Variants in ERBB4 observed in about 807,000 individuals in gnomAD.
The protein encoded by ERBB4 is receptor tyrosine-protein kinase erbB-4.
ERBB4 carries 42 observed loss-of-function variants against 158.0 expected under a neutral mutation model. The observed-to-expected ratio is 0.27, with a 90% CI of 0.21 to 0.34. ERBB4 has a LOEUF of 0.34. Ranked by LOEUF, ERBB4 falls within the 10% of genes least tolerant of loss-of-function variation. The probability of loss-of-function intolerance (pLI) is 1.00; values close to 1 mark genes in which losing one functional copy is unlikely to be tolerated. For synonymous variants in ERBB4, 583 were observed against 558.7 expected (o/e 1.04, Z -0.61); for missense variants, 1,333 against 1,624.1 (o/e 0.82, Z 3.08).
intron 2 of ERBB4, among the ~76,000 whole-genome samples, chr2:212,053,371 C>G (rs1283067456): frequency 3.3e-5 from 5 of 152,154 alleles, no homozygotes; most frequent in Non-Finnish European, 5.9e-5. Flanking sequence ...TCACCCAGGT[C>G]TGATAATGTT....
At chr2:211,527,470 G>A (rs1265851660) in intron 20 of ERBB4, among the ~76,000 whole-genome samples, 2 of 152,180 alleles carry the variant, frequency 1.3e-5, no homozygotes, top group East Asian at 1.9e-4. Flanking sequence ...CAACTGGGAA[G>A]AAAAGCATAT....
In ERBB4 at chr2:211,875,025, C is replaced by CAAA. The variant is rs746636278; in HGVS notation, c.421+72402_421+72404dup. Among the ~76,000 whole-genome samples the CAAA allele has an allele frequency of 3.3e-3, 88 of 26,978 alleles. 1 individual carries two copies. Among genetic ancestry groups the CAAA allele is most frequent in the African/African-American group, 9.1e-3 (62 of 6,794 alleles). 17.7% of individuals were successfully genotyped at this position (26,978 alleles called of 152,430 possible). On this transcript the variant is annotated intron_variant, in intron 3 of 27. Transcript: ENST00000342788. ...TATTGTCATGCTTCAAATAGAAATG[C>CAAA]AAAAAAAAAAAAAAAAAAAAAAAAA... is the stretch of plus-strand genomic sequence containing the variant.
At chr2:212,053,507 C>T in intron 2 of ERBB4, among the ~76,000 whole-genome samples, 1 of 152,116 alleles carries the variant, frequency 6.6e-6, no homozygotes, top group East Asian at 1.9e-4. Context: ...CTGCCTCTAG[C>T]CTTGCTCCTC....
chr2:211,465,036 CTG>C (rs1406723631), intron 20 of ERBB4, among the ~76,000 whole-genome samples: 1 of 147,864 alleles, frequency 6.8e-6, no homozygotes, highest in Non-Finnish European at 1.5e-5. Context: ...TGCTGGAGTG[CTG>C]TGACATGATG....
At chr2:212,218,737 C>T (rs1313111536) in intron 1 of ERBB4, among the ~76,000 whole-genome samples, 1 of 151,374 alleles carries the variant, frequency 6.6e-6, no homozygotes, top group Non-Finnish European at 1.5e-5. Flanking sequence ...ATGGCTCATG[C>T]TGGCACATAT....
At chr2:211,986,765 G>A (rs2081947140) in intron 2 of ERBB4, among the ~76,000 whole-genome samples, 1 of 152,032 alleles carries the variant, frequency 6.6e-6, no homozygotes, top group African/African-American at 2.4e-5. Context: ...ATGGCATACG[G>A]TGAAGGTTAT....
intron 3 of ERBB4, among the ~76,000 whole-genome samples, chr2:211,889,079 C>T (rs2078891612): frequency 7.1e-6 from 1 of 141,762 alleles, no homozygotes. Context: ...CCTCTGTAGG[C>T]TCCACCTCTG....
At chr2:212,311,081 G>A (rs1422826228) in intron 1 of ERBB4, among the ~76,000 whole-genome samples, 1 of 150,718 alleles carries the variant, frequency 6.6e-6, no homozygotes, top group African/African-American at 2.4e-5. Flanking sequence ...ACTTCCTTGA[G>A]ACTAGGACTT....
chr2:211,515,896 T>TTATATATATATATA (rs1206265176), intron 20 of ERBB4, among the ~76,000 whole-genome samples: 9 of 88,934 alleles, frequency 1.0e-4, no homozygotes, highest in African/African-American at 1.6e-4. Context: ...AAAACATATA[T>TTATATATATATATA]TATATATATA....
intron 2 of ERBB4, among the ~76,000 whole-genome samples, chr2:212,099,577 T>C (rs2125512922): frequency 6.6e-6 from 1 of 152,272 alleles, no homozygotes; most frequent in South Asian, 2.1e-4. Flanking sequence ...GTGATAGCCA[T>C]AGATATGAAA....
intron 16 of ERBB4, among the ~76,000 whole-genome samples, chr2:211,653,091 T>C (rs1435521649): frequency 6.6e-6 from 1 of 152,142 alleles, no homozygotes; most frequent in Non-Finnish European, 1.5e-5. Flanking sequence ...ATAAATAATA[T>C]ACAGAAAAGA....
rs530347826 is a variant in ERBB4 at position 211,713,394 on chromosome 2, C to T, written c.997+141G>A. 2.6e-4 allele frequency: 177 copies of T among 674,692 alleles called. No homozygotes were observed. The South Asian group carries it at 2.8e-3, about 11-fold the overall frequency. 41.8% of individuals were successfully genotyped at this position (674,692 alleles called of 1,614,324 possible). Reference sequence around the variant, plus strand: ...CTATAAAAGTTCATATTTTGAGTAACTGTTCAAAATTATGGAAAGCGTGTG... The same window carrying T: ...CTATAAAAGTTCATATTTTGAGTAATTGTTCAAAATTATGGAAAGCGTGTG... On this transcript the variant is annotated intron_variant, in intron 8 of 27. Transcript: ENST00000342788.
intron 1 of ERBB4, among the ~76,000 whole-genome samples, chr2:212,149,603 A>G (rs2080803857): frequency 6.6e-6 from 1 of 152,202 alleles, no homozygotes; most frequent in South Asian, 2.1e-4. Flanking sequence ...CTTATTTTTA[A>G]TGTGAAAAAT....
At chr2:211,676,877 C>T (rs1277549110) in intron 13 of ERBB4, among the ~76,000 whole-genome samples, 1 of 152,062 alleles carries the variant, frequency 6.6e-6, no homozygotes, top group Non-Finnish European at 1.5e-5. Context: ...ATATTTTGAT[C>T]TGAGGTATTT....
At chr2:211,630,152 T>G (rs896488198) in intron 17 of ERBB4, among the ~76,000 whole-genome samples, 1 of 152,170 alleles carries the variant, frequency 6.6e-6, no homozygotes, top group Non-Finnish European at 1.5e-5. Context: ...ATTTTCTAGA[T>G]CTGCTGCTAT....
At chr2:212,461,543 C>A (rs1688575508) in intron 1 of ERBB4, among the ~76,000 whole-genome samples, 1 of 152,144 alleles carries the variant, frequency 6.6e-6, no homozygotes, top group Admixed American at 6.5e-5. Context: ...AGCTAACCTG[C>A]TTTTGGTTTC....
At chr2:212,096,958 A>G (rs560586974) in intron 2 of ERBB4, among the ~76,000 whole-genome samples, 92 of 152,174 alleles carry the variant, frequency 6.0e-4, no homozygotes, top group Non-Finnish European at 1.0e-3. Context: ...TCCTCCTTCT[A>G]TTAAGTTAAC....
At chr2:211,917,215 C>T (rs1288905099) in intron 3 of ERBB4, among the ~76,000 whole-genome samples, 1 of 152,142 alleles carries the variant, frequency 6.6e-6, no homozygotes, top group Non-Finnish European at 1.5e-5. Context: ...TTTCATCCTC[C>T]TTTGGAAATT....
chr2:212,171,656 T>C (rs1364736238), intron 1 of ERBB4, among the ~76,000 whole-genome samples: 1 of 152,134 alleles, frequency 6.6e-6, no homozygotes, highest in Non-Finnish European at 1.5e-5. Flanking sequence ...GTGAGCTAGT[T>C]CTCATGAGAT....
Sources: gnomAD v4.1 joint callset for allele counts (sites outside exome capture counted in the v4.1 genomes callset) on GRCh38, gnomAD v4.1.1 for gene constraint, MANE v1.5 for transcripts, NCBI Gene and HGNC (gene_info 2026-07-23, HGNC 2026-07-21) for gene names.